NAA25: variants seen among roughly 807,000 people sequenced by gnomAD.
NAA25 encodes N-terminal acetyltransferase B complex subunit NAA25.
Under a neutral mutation model 132.5 loss-of-function variants are expected in NAA25, and 30 were observed. The observed-to-expected ratio is 0.23, with a 90% confidence interval of 0.17 to 0.31. The LOEUF (loss-of-function observed/expected upper bound fraction) is 0.31. Among genes scored for constraint, NAA25 ranks in the 10% least tolerant of loss-of-function variants. The pLI is 1.00. For synonymous variants in NAA25, 359 were observed against 401.9 expected, an observed-to-expected ratio of 0.89 and a Z score of 1.28; for missense variants, 771 against 1,150.4, an observed-to-expected ratio of 0.67 and a Z score of 4.77.
chr12:112,036,655 C>T (rs2078226864), intron 22 of NAA25, among the ~76,000 whole-genome samples: 3 of 152,004 alleles, frequency 2.0e-5, no homozygotes, highest in Admixed American at 2.0e-4. Context: ...TAGAGACCAG[C>T]CTGGGCAACA....
intron 22 of NAA25, chr12:112,035,086 A>G (rs1438297777): frequency 1.3e-5 from 2 of 152,204 alleles, no homozygotes; most frequent in African/African-American, 4.8e-5. Context: ...AGGTTTGTTT[A>G]CCACGAAAAT....
At chr12:112,065,681 A>T (rs1434162286) in intron 11 of NAA25, 1 of 152,124 alleles carries the variant, frequency 6.6e-6, no homozygotes, top group African/African-American at 2.4e-5. Context: ...AAATAAATAA[A>T]TAAAAAACTA....
intron 23 of NAA25, among the ~76,000 whole-genome samples, chr12:112,030,021 TG>T (rs778411218): frequency 2.9e-4 from 44 of 152,026 alleles, no homozygotes; most frequent in Non-Finnish European, 5.6e-4. Flanking sequence ...GAAACCAGCC[TG>T]GTCAACATGG....
intron 1 of NAA25, among the ~76,000 whole-genome samples, chr12:112,099,874 T>C (rs1265905876): frequency 2.6e-5 from 4 of 152,240 alleles, no homozygotes; most frequent in South Asian, 2.1e-4. Context: ...TGAAATAGTA[T>C]GCTCAGTTTC....
At chr12:112,086,073 T>TATATATATACACACACACAC (rs759148501) in intron 4 of NAA25, among the ~76,000 whole-genome samples, 11 of 53,982 alleles carry the variant, frequency 2.0e-4, no homozygotes, top group African/African-American at 9.6e-4. Context: ...TATATATATA[T>TATATATATACACACACACAC]ACACACACAC....
intron 22 of NAA25, among the ~76,000 whole-genome samples, chr12:112,038,291 GGT>G (rs765739102): frequency 9.9e-5 from 15 of 152,240 alleles, no homozygotes; most frequent in Non-Finnish European, 2.1e-4. Flanking sequence ...TGGGATTACA[GGT>G]GTGAGCCACC....
chr12:112,073,310 T>C (rs1360167752), intron 9 of NAA25, among the ~76,000 whole-genome samples: 1 of 152,138 alleles, frequency 6.6e-6, no homozygotes, highest in Non-Finnish European at 1.5e-5. Flanking sequence ...TGGGGTCTTG[T>C]ACATTTTATT....
chr12:112,042,874 A>G (rs2078321602), intron 19 of NAA25, among the ~76,000 whole-genome samples: 1 of 152,240 alleles, frequency 6.6e-6, no homozygotes, highest in African/African-American at 2.4e-5. Flanking sequence ...TTTGGACCTA[A>G]CAAGTGATTT....
intron 15 of NAA25, among the ~76,000 whole-genome samples, chr12:112,051,459 C>T (rs967300957): frequency 2.0e-5 from 3 of 152,160 alleles, no homozygotes; most frequent in Admixed American, 6.5e-5. Flanking sequence ...GATCCACCCA[C>T]CTCGGCCTCC....
At chr12:112,097,742 C>T (rs1362167260) in intron 1 of NAA25, among the ~76,000 whole-genome samples, 1 of 152,070 alleles carries the variant, frequency 6.6e-6, no homozygotes, top group Non-Finnish European at 1.5e-5. Flanking sequence ...TGAACCCTCC[C>T]TTCTCCAGCC....
intron 5 of NAA25, among the ~76,000 whole-genome samples, chr12:112,080,238 G>A (rs375993899): frequency 2.2e-5 from 3 of 137,116 alleles, no homozygotes; most frequent in South Asian, 2.3e-4. Flanking sequence ...CTGAGATCGC[G>A]TCACTGCACT....
At chr12:112,060,003 T>C (rs1409021960) in intron 13 of NAA25, among the ~76,000 whole-genome samples, 1 of 151,994 alleles carries the variant, frequency 6.6e-6, no homozygotes. Flanking sequence ...AGACGAAGTT[T>C]TTTGCATTTT....
At chr12:112,036,929 G>A (rs138180239) in intron 22 of NAA25, among the ~76,000 whole-genome samples, 23 of 151,388 alleles carry the variant, frequency 1.5e-4, no homozygotes, top group East Asian at 7.8e-4. Flanking sequence ...TCTAGTTCTC[G>A]TCATAGAAAT....
chr12:112,033,040 G>C (rs1312490098), intron 23 of NAA25, among the ~76,000 whole-genome samples, 193 bp downstream of exon 23: 1 of 152,178 alleles, frequency 6.6e-6, no homozygotes, highest in African/African-American at 2.4e-5. Flanking sequence ...CGTATGGGGA[G>C]AAATGAAGAG....
At chr12:112,069,028 T>C (rs1224690049) in intron 10 of NAA25, 36 bp from the exon 11 acceptor site, 1 of 1,127,822 alleles carries the variant, frequency 8.9e-7, no homozygotes, top group Non-Finnish European at 1.3e-6. Context: ...TTATTACTCA[T>C]GAACAGAAGC....
chr12:112,108,182 G>A (rs2079392457), intron 1 of NAA25, among the ~76,000 whole-genome samples: 1 of 152,160 alleles, frequency 6.6e-6, no homozygotes, highest in African/African-American at 2.4e-5. Flanking sequence ...GGAATCTCGG[G>A]CCTGCTCCTG....
intron 8 of NAA25, 51 bp downstream of exon 8, chr12:112,075,627 G>T (rs143560560): frequency 2.1e-6 from 3 of 1,415,076 alleles, no homozygotes; most frequent in Non-Finnish European, 3.0e-6. Flanking sequence ...CAATAGTGAG[G>T]TCTTAAAGCC....
chr12:112,069,385 T>A (rs923438978), intron 10 of NAA25, among the ~76,000 whole-genome samples: 6 of 152,036 alleles, frequency 3.9e-5, no homozygotes, highest in Admixed American at 2.6e-4. Flanking sequence ...ATGCTTGTAA[T>A]CCCAACTGCT....
Position 112,026,689 on chromosome 12 carries a change from T to A in NAA25, c.*2842A>T, listed in dbSNP as rs1424721116. The A allele has an allele frequency of 6.6e-6, 1 of 152,194 alleles. No homozygotes were observed. The highest frequency in any genetic ancestry group is 1.9e-4 in the East Asian group (1 of 5,202). 9.4% of individuals were successfully genotyped at this position (152,194 alleles called of 1,614,324 possible). ...TGAACAAAAAGGAACCAGGCAGAAA[T>A]GCCAACTTAAAATGAAAATGTTTAT... On this transcript the variant is annotated 3_prime_UTR_variant, in exon 24 of 24. Coordinates refer to ENST00000261745, the MANE Select transcript of NAA25 (RefSeq NM_024953.4).
Sources: gnomAD v4.1 joint callset for allele counts (sites outside exome capture counted in the v4.1 genomes callset) on GRCh38, gnomAD v4.1.1 for gene constraint, MANE v1.5 for transcripts, NCBI Gene and HGNC (gene_info 2026-07-23, HGNC 2026-07-21) for gene names.